Variants in CEP104 observed in about 807,000 individuals in gnomAD.
CEP104 encodes centrosomal protein 104.
Under a neutral mutation model 113.3 loss-of-function variants are expected in CEP104, and 84 were observed. The ratio of observed to expected loss-of-function variants is 0.74; its 90% CI spans 0.62 to 0.89. The LOEUF (loss-of-function observed/expected upper bound fraction) is 0.89, where lower values mean the gene tolerates loss of function less well. Among genes scored for constraint, CEP104 ranks in the 40% least tolerant of loss-of-function variants. The pLI is 0.00. For synonymous variants in CEP104, 378 were observed against 421.7 expected (o/e 0.90, Z 1.27); for missense variants, 1,053 against 1,156.6 (o/e 0.91, Z 1.30).
rs566189999 is a variant in CEP104, at chr1:3,829,899, C to T, written c.1935G>A (p.Leu645=). 1 of 1,614,112 alleles carries T rather than the reference C, an allele frequency of 6.2e-7. No homozygotes were observed. The highest frequency in any genetic ancestry group is 1.7e-5 in the Admixed American group (1 of 60,012). Residue 645 remains leucine, a synonymous_variant, in exon 14 of 22, where the codon CTG becomes CTA. Coordinates refer to ENST00000378230, the MANE Select transcript of CEP104 (RefSeq NM_014704.4). The part of the protein sequence containing the change: ...DMYRQHQASI[L]EYLPPDDSNT... ...TGCTGTCGTCTGGAGGAAGGTACTC[C>T]AGGATGGAAGCCTGGTGCTGTCTGT...
At chr1:3,842,161 C>T (rs868131959) in intron 6 of CEP104, among the ~76,000 whole-genome samples, 8 of 152,196 alleles carry the variant, frequency 5.3e-5, no homozygotes, top group Admixed American at 3.3e-4. Context: ...GATTTTGGCT[C>T]GCTGCAAGCT....
chr1:3,852,380 C>G lies in CEP104; in HGVS notation c.28G>C (p.Val10Leu). 5 of 1,614,078 alleles carry G rather than the reference C, an allele frequency of 3.1e-6. No individual in the cohort carries two copies. Among genetic ancestry groups the G allele is most frequent in the Non-Finnish European group, 4.2e-6 (5 of 1,180,012 alleles). ...CCGTCTTCGTGTCCAGATGAGCTGACGACTACAAATCCAATCTTGTGGGGC... is the reference window on the plus strand; with the variant it reads ...CCGTCTTCGTGTCCAGATGAGCTGAGGACTACAAATCCAATCTTGTGGGGC... MPHKIGFVV[V>L]SSSGHEDGFS... Residue 10 changes from valine to leucine, a missense_variant, in exon 2 of 22, where the codon GTC becomes CTC. Physicochemically the swap from Val to Leu is conservative, Grantham distance 32. Coordinates refer to ENST00000378230, the MANE Select transcript of CEP104 (RefSeq NM_014704.4).
chr1:3,821,140 C>T (rs1372289287), intron 20 of CEP104, among the ~76,000 whole-genome samples: 1 of 152,234 alleles, frequency 6.6e-6, no homozygotes, highest in African/African-American at 2.4e-5. Context: ...GGGAACCAGG[C>T]CTCTGTGCCC....
rs544245856 is a variant in CEP104, at chr1:3,835,069, C to T, written c.1341G>A (p.Thr447=). The stretch of plus-strand genomic sequence containing the variant: ...GCAGTGCATCCTCTCGGTAGGACCA[C>T]GTCTTACAATAGGCCTCAGCAACCT... ...ETLVAEAYCK[T]WSYREDALLA... The change falls in exon 11 of 22, where the codon ACG becomes ACA. Residue 447 remains threonine, a synonymous_variant. Transcript: ENST00000378230. 6.8e-6 allele frequency: 11 copies of T among 1,613,830 alleles called. No homozygotes were observed. The highest frequency in any genetic ancestry group is 1.7e-5 in the Admixed American group (1 of 59,996).
rs1046904379 is a variant in CEP104, at chr1:3,856,935, G to C, written c.-61C>G. 1 of 151,942 alleles carries C rather than the reference G, an allele frequency of 6.6e-6. No individual in the cohort carries two copies. Among genetic ancestry groups the C allele is most frequent in the African/African-American group, 2.4e-5 (1 of 41,402 alleles). The allele number at this position is 151,942 out of a possible 1,614,324, so 9.4% of individuals were successfully genotyped here. Reference sequence around the variant, plus strand: ...GACTGGCGCTGCCGCGGCCCCGGTGGAGAGGGCGGCTGGGTCGGAGCGGTG... The same window carrying C: ...GACTGGCGCTGCCGCGGCCCCGGTGCAGAGGGCGGCTGGGTCGGAGCGGTG... On this transcript the variant is annotated 5_prime_UTR_variant, in exon 1 of 22. Transcript: ENST00000378230.
chr1:3,813,297 C>T lies in CEP104; in HGVS notation c.*2105G>A, dbSNP rs1257417011. On this transcript the variant is annotated 3_prime_UTR_variant, in exon 22 of 22. Transcript: ENST00000378230. The stretch of plus-strand genomic sequence containing the variant: ...ACGGAGTCTCGCTCTGTCGCCTGGG[C>T]TGGAGTGCAATGGCATGATGTGGGC... 2.0e-5 allele frequency: 3 copies of T among 149,424 alleles called. No individual in the cohort carries two copies. Among genetic ancestry groups the T allele is most frequent in the African/African-American group, 5.0e-5 (2 of 40,400 alleles). The allele number at this position is 149,424 out of a possible 1,614,324, so 9.3% of individuals were successfully genotyped here.
chr1:3,842,053 C>T (rs547816087), intron 6 of CEP104, among the ~76,000 whole-genome samples: 2 of 152,244 alleles, frequency 1.3e-5, no homozygotes, highest in African/African-American at 4.8e-5. Flanking sequence ...ACAAAGGAGG[C>T]ATCTGAGGGA....
chr1:3,823,517 C>T lies in CEP104; in HGVS notation c.2410G>A (p.Asp804Asn). 1 of 1,614,228 alleles carries T rather than the reference C, an allele frequency of 6.2e-7. No individual in the cohort carries two copies. Among genetic ancestry groups the T allele is most frequent in the Non-Finnish European group, 8.5e-7 (1 of 1,180,048 alleles). ...SLTEHLLTEC[D>N]KKDGFGKCYR... ...CACTTTCCAAACCCGTCTTTTTTGT[C>T]ACATTCCGTCAGCAAGTGCTCCGTC... The change falls in exon 19 of 22, where the codon GAC (aspartate) becomes AAC (asparagine). Residue 804 changes from aspartate (D) to asparagine (N), a missense_variant. Physicochemically the swap from Asp to Asn is conservative, Grantham distance 23. Transcript: ENST00000378230. The surrounding 1 kb of genome is among the most constrained non-coding windows in gnomAD (Gnocchi z 4.1).
rs759390145 is a variant in CEP104 at position 3,836,529 on chromosome 1, G to T, written c.1283C>A (p.Ala428Asp). Residue 428 changes from alanine to aspartate, a missense_variant, in exon 10 of 22, where the codon GCC (alanine) becomes GAC (aspartate). By Grantham distance (126) the Ala-to-Asp change is moderately radical (BLOSUM62 -2). Transcript: ENST00000378230. Reference protein sequence around the residue: ...EPLTEKALREASSAIDVLGET... With the variant: ...EPLTEKALREDSSAIDVLGET... The stretch of plus-strand genomic sequence containing the variant: ...TCCCAACACATCGATGGCAGAGCTG[G>T]CTTCTCTCAAGGCCTTCTCGGTTAA... 6.3e-7 allele frequency: 1 copy of T among 1,597,674 alleles called. No homozygotes were observed. Among genetic ancestry groups the T allele is most frequent in the South Asian group, 1.1e-5 (1 of 90,618 alleles).
At position 3,823,130 on chromosome 1, in the gene CEP104, G is replaced by A; in HGVS notation, c.2571+44C>T. The A allele has an allele frequency of 6.4e-7, 1 of 1,571,314 alleles. No homozygotes were observed. Among genetic ancestry groups the A allele is most frequent in the African/African-American group, 1.3e-5 (1 of 74,154 alleles). On this transcript the variant is annotated intron_variant, in intron 20 of 21. Coordinates refer to ENST00000378230, the MANE Select transcript of CEP104 (RefSeq NM_014704.4). This position sits in a 1 kb window ranked among gnomAD's most constrained non-coding sequence, Gnocchi z 4.1. ...CTGTCACCACCACTGCCATCCACAG[G>A]TGTGTCACCTACTTCACTGGTCCCT...
chr1:3,836,536 T>C lies in CEP104; in HGVS notation c.1276A>G (p.Arg426Gly). The C allele has an allele frequency of 1.3e-6, 2 of 1,562,466 alleles. No individual in the cohort carries two copies. The highest frequency in any genetic ancestry group is 3.5e-5 in the Admixed American group (2 of 56,560). Residue 426 changes from arginine to glycine, a missense_variant, in exon 10 of 22, where the codon AGA (arginine) becomes GGA (glycine). Arg to Gly is a moderately radical substitution (Grantham distance 125). Coordinates refer to ENST00000378230, the MANE Select transcript of CEP104 (RefSeq NM_014704.4). ...EPEPLTEKAL[R>G]EASSAIDVLG... ...ACATCGATGGCAGAGCTGGCTTCTC[T>C]CAAGGCCTTCTCGGTTAAGGGCTCT...
chr1:3,835,761 TGTTTA>T (rs1557677031), intron 10 of CEP104, among the ~76,000 whole-genome samples: 1 of 152,224 alleles, frequency 6.6e-6, no homozygotes. Context: ...AGGGAGCAGT[TGTTTA>T]ATACAAGCTC....
intron 15 of CEP104, among the ~76,000 whole-genome samples, chr1:3,827,773 G>C (rs556490947): frequency 5.9e-5 from 9 of 152,338 alleles, no homozygotes; most frequent in African/African-American, 1.9e-4. Context: ...CTGGCCTCGA[G>C]GCCCCCACAA....
In CEP104 at chr1:3,814,538, T is replaced by C. The variant is rs960840705; in HGVS notation, c.*864A>G. 7.9e-5 allele frequency: 12 copies of C among 152,254 alleles called. No homozygotes were observed. Among genetic ancestry groups the C allele is most frequent in the East Asian group, 1.9e-4 (1 of 5,194 alleles). The allele number at this position is 152,254 out of a possible 1,614,324, so 9.4% of individuals were successfully genotyped here. A position where few individuals can be genotyped will look rare whatever the true frequency, so the allele number is the denominator to read the frequency against. ...CATACCAGTGGGCTTCTGCCTGCTG[T>C]GAACACAGGGTGATCAGGTGGAAAT... On this transcript the variant is annotated 3_prime_UTR_variant, in exon 22 of 22. Transcript: ENST00000378230.
At chr1:3,821,506 C>T (rs1489133179) in intron 20 of CEP104, among the ~76,000 whole-genome samples, 6 of 152,216 alleles carry the variant, frequency 3.9e-5, no homozygotes, top group African/African-American at 1.4e-4. Flanking sequence ...AGTGGACGAG[C>T]TTCTGCTTAG....
chr1:3,815,606 A>G (rs1643868691), intron 21 of CEP104, 89 bp from the exon 22 acceptor site: 2 of 923,160 alleles, frequency 2.2e-6, no homozygotes, highest in Non-Finnish European at 3.2e-6. Flanking sequence ...ACCCAGCAAC[A>G]ACGTCCCAGG....
chr1:3,815,336 A>C lies in CEP104; in HGVS notation c.*66T>G. ...GGCCACCAAGGCCAGAGAGTTCTGG[A>C]GAGATGGTGTAGAATCAGGAGACCC... On this transcript the variant is annotated 3_prime_UTR_variant, in exon 22 of 22. Transcript: ENST00000378230. The C allele has an allele frequency of 9.0e-6, 11 of 1,228,584 alleles. No homozygotes were observed. Among genetic ancestry groups the C allele is most frequent in the Non-Finnish European group, 1.3e-5 (11 of 861,594 alleles). The allele number at this position is 1,228,584 out of a possible 1,614,324, so 76.1% of individuals were successfully genotyped here.
In CEP104 at chr1:3,849,963, T is replaced by C. The variant is rs78144123; in HGVS notation, c.114-1182A>G. 6.0e-3 allele frequency among the ~76,000 whole-genome samples: 908 copies of C among 152,336 alleles called. 10 individuals are homozygous for C. The highest frequency in any genetic ancestry group is 0.02 in the African/African-American group (845 of 41,564). The stretch of plus-strand genomic sequence containing the variant: ...GACAACACTGTATTTTGACTTAGCT[T>C]TTCTATGTTTAGATATACAGATACC... On this transcript the variant is annotated intron_variant, in intron 2 of 21. Transcript: ENST00000378230.
At chr1:3,851,808 C>T (rs929331376) in intron 2 of CEP104, among the ~76,000 whole-genome samples, 2 of 152,102 alleles carry the variant, frequency 1.3e-5, no homozygotes, top group Non-Finnish European at 2.9e-5. Context: ...AGCCACTGTG[C>T]CCAATTGAAC....
Sources: gnomAD v4.1 joint callset for allele counts (sites outside exome capture counted in the v4.1 genomes callset) on GRCh38, gnomAD v4.1.1 for gene constraint, Gnocchi (gnomAD v3.1) non-coding constraint, MANE v1.5 for transcripts, NCBI Gene and HGNC (gene_info 2026-07-23, HGNC 2026-07-21) for gene names.